The following CACNA2D1 variants were observed in gnomAD, a reference collection of about 807,000 sequenced individuals.
CACNA2D1 encodes the protein voltage-dependent calcium channel subunit alpha-2/delta-1.
A neutral mutation model predicts 171.5 loss-of-function variants in CACNA2D1; 53 were observed. That is an observed-to-expected ratio of 0.31 (90% CI 0.25 to 0.39). The LOEUF is 0.39. CACNA2D1 is among the 10% of genes least tolerant of loss of function. The pLI, the probability that CACNA2D1 is intolerant of heterozygous loss-of-function variation, is 1.00. For missense variants in CACNA2D1, 903 were observed against 1,299.8 expected (o/e 0.69, Z 4.69); for synonymous variants, 442 against 443.1 (o/e 1.00, Z 0.03).
chr7:82,381,618 G>A (rs993418765), intron 1 of CACNA2D1, among the ~76,000 whole-genome samples: 1 of 152,168 alleles, frequency 6.6e-6, no homozygotes, highest in African/African-American at 2.4e-5. Flanking sequence ...CAATCCTGCA[G>A]TTATGAATCT....
chr7:82,260,964 T>C (rs893507226), intron 3 of CACNA2D1, among the ~76,000 whole-genome samples: 3 of 152,088 alleles, frequency 2.0e-5, no homozygotes, highest in African/African-American at 4.8e-5. Context: ...CTTTTTTTTT[T>C]TTCTTCTTGA....
chr7:82,196,709 C>T (rs3819438), intron 3 of CACNA2D1, among the ~76,000 whole-genome samples: 12,038 of 151,624 alleles, frequency 0.079, 1,060 homozygotes, highest in East Asian at 0.21. Context: ...TAGACTTGAA[C>T]AAAATAGACT....
At chr7:82,113,438 A>G (rs970392652) in intron 6 of CACNA2D1, among the ~76,000 whole-genome samples, 13 of 152,168 alleles carry the variant, frequency 8.5e-5, no homozygotes, top group African/African-American at 3.1e-4. Context: ...TCTAAAAGAA[A>G]AGGAGCAACC....
intron 10 of CACNA2D1, chr7:82,051,042 G>A (rs2131307991): frequency 5.9e-6 from 1 of 169,342 alleles, no homozygotes; most frequent in East Asian, 1.6e-4. Context: ...ATAACGTGTT[G>A]GCAGGATCAT....
At position 82,066,407 on chromosome 7, in the gene CACNA2D1, T is replaced by C. The variant is rs771633438; in HGVS notation, c.728+48A>G. ...AAATTCTGACTTTTTAGCAAATATA[T>C]ATCTTCTTGCCTATTTTATCTTTTC... On this transcript the variant is annotated intron_variant, in intron 8 of 38. Transcript: ENST00000356860. The C allele has an allele frequency of 1.3e-5, 21 of 1,605,938 alleles. No homozygotes were observed. In the East Asian group the frequency reaches 3.8e-4, roughly 29 times the overall value.
At chr7:82,251,126 A>C (rs1805579344) in intron 3 of CACNA2D1, among the ~76,000 whole-genome samples, 1 of 152,118 alleles carries the variant, frequency 6.6e-6, no homozygotes, top group African/African-American at 2.4e-5. Flanking sequence ...ACTCTCCTGT[A>C]TCTCCCATCT....
At chr7:81,982,546 C>A (rs1796547069) in intron 24 of CACNA2D1, 21 bp downstream of exon 24, 2 of 1,476,672 alleles carry the variant, frequency 1.4e-6, no homozygotes, top group East Asian at 2.3e-5. Context: ...GAAGATGTAT[C>A]AAAAATACAA....
At chr7:82,063,522 A>G (rs1236323042) in intron 9 of CACNA2D1, among the ~76,000 whole-genome samples, 2 of 152,072 alleles carry the variant, frequency 1.3e-5, no homozygotes, top group African/African-American at 4.8e-5. Context: ...GCTGTCCCCA[A>G]ATTACTAGAT....
intron 1 of CACNA2D1, among the ~76,000 whole-genome samples, chr7:82,371,639 C>G (rs7796535): frequency 0.62 from 94,899 of 151,860 alleles, 30,222 homozygotes; most frequent in Middle Eastern, 0.74. Context: ...AGAGTGCAAT[C>G]GCACAATCTC....
intron 6 of CACNA2D1, among the ~76,000 whole-genome samples, chr7:82,096,635 G>T (rs200721113): frequency 2.1e-5 from 3 of 146,154 alleles, no homozygotes; most frequent in Non-Finnish European, 3.0e-5. Context: ...CAACATGATG[G>T]TATGATCTAG....
At position 81,968,941 on chromosome 7, in the gene CACNA2D1, T is replaced by C. The variant is rs756226731; in HGVS notation, c.2341A>G (p.Met781Val). The change falls in exon 29 of 39, where the codon ATG (methionine) becomes GTG (valine). Residue 781 changes from methionine to valine, a missense_variant. This residue lies in a region of CACNA2D1 where 623 missense variants were observed against 925.5 expected (regional missense o/e 0.67). Coordinates refer to ENST00000356860, the MANE Select transcript of CACNA2D1 (RefSeq NM_000722.4). ...TATATTTCTACAGCTTTGCTTACCA[T>C]AATGCCCGATTCATAGGCACCAGGT... ...SGPGAYESGI[M>V]VSKAVEIYIQ... 3 of 1,594,174 alleles carry C rather than the reference T, an allele frequency of 1.9e-6. No individual in the cohort carries two copies. Among genetic ancestry groups the C allele is most frequent in the Non-Finnish European group, 8.6e-7 (1 of 1,164,052 alleles).
chr7:82,115,789 G>A (rs1459168633), intron 6 of CACNA2D1, among the ~76,000 whole-genome samples: 1 of 150,608 alleles, frequency 6.6e-6, no homozygotes, highest in Non-Finnish European at 1.5e-5. Context: ...AATCTTGTGA[G>A]TCTAAATAAA....
chr7:82,163,743 G>A (rs1795176176), intron 4 of CACNA2D1, among the ~76,000 whole-genome samples: 1 of 151,952 alleles, frequency 6.6e-6, no homozygotes, highest in Non-Finnish European at 1.5e-5. Context: ...TGTTGCAATG[G>A]CAAACATAGT....
chr7:82,370,753 A>T (rs892189916), intron 1 of CACNA2D1, among the ~76,000 whole-genome samples: 1 of 152,190 alleles, frequency 6.6e-6, no homozygotes, highest in Non-Finnish European at 1.5e-5. Flanking sequence ...TCACTGAAAC[A>T]GTATTTGTAA....
At chr7:82,368,169 G>A (rs1051526574) in intron 1 of CACNA2D1, among the ~76,000 whole-genome samples, 1 of 152,126 alleles carries the variant, frequency 6.6e-6, no homozygotes, top group African/African-American at 2.4e-5. Context: ...ATCTTCAACT[G>A]CCAGCATCTG....
chr7:82,230,179 C>A (rs1802779559), intron 3 of CACNA2D1, among the ~76,000 whole-genome samples: 1 of 152,186 alleles, frequency 6.6e-6, no homozygotes. Flanking sequence ...CTTCCAGGCA[C>A]CACAGCCTCC....
At chr7:82,070,902 T>A (rs1439835711) in intron 7 of CACNA2D1, among the ~76,000 whole-genome samples, 1 of 152,040 alleles carries the variant, frequency 6.6e-6, no homozygotes, top group Non-Finnish European at 1.5e-5. Flanking sequence ...CTTCAAGTAA[T>A]CCACCACAGA....
intron 1 of CACNA2D1, among the ~76,000 whole-genome samples, chr7:82,358,457 C>G (rs1327000819): frequency 1.3e-5 from 2 of 152,122 alleles, no homozygotes; most frequent in Non-Finnish European, 2.9e-5. Flanking sequence ...CAATTTAAAC[C>G]ATTTTCAATA....
intron 1 of CACNA2D1, among the ~76,000 whole-genome samples, chr7:82,407,622 T>C (rs780437155): frequency 1.3e-5 from 2 of 151,566 alleles, no homozygotes; most frequent in African/African-American, 4.9e-5. Context: ...AGTTGGAAAA[T>C]TGCAAAAATT....
Sources: allele counts gnomAD v4.1 joint callset (sites outside exome capture counted in the v4.1 genomes callset), GRCh38; gene constraint gnomAD v4.1.1; regional missense constraint gnomAD v4.1.1; transcripts MANE v1.5; gene names NCBI Gene and HGNC (gene_info 2026-07-23, HGNC 2026-07-21).